Variants in DNAH9 observed in about 807,000 individuals in gnomAD.
DNAH9 encodes the protein DNAH9 variant protein.
DNAH9 carries 345 observed loss-of-function variants against 471.6 expected under a neutral mutation model. The observed-to-expected ratio is 0.73, with a 90% CI of 0.67 to 0.80. DNAH9 has a LOEUF of 0.80. Among genes scored for constraint, DNAH9 ranks in the 30% least tolerant of loss-of-function variants. The pLI is 0.00. For synonymous variants in DNAH9, 2,093 were observed against 2,123.6 expected (o/e 0.99, Z 0.40); for missense variants, 5,407 against 5,609.2 (o/e 0.96, Z 1.15).
At chr17:11,835,507 C>T (rs775924757) in intron 49 of DNAH9, among the ~76,000 whole-genome samples, 14 of 152,118 alleles carry the variant, frequency 9.2e-5, no homozygotes, top group East Asian at 1.9e-4. Flanking sequence ...GGGGAGGGCA[C>T]GAGGCTTAGC....
Position 11,704,451 on chromosome 17 carries a change from C to A in DNAH9, c.5391+9C>A. ...AGATGATTGCTCAGAAGGTGGGTCC[C>A]AAACATCCAGGGATGCCCACTTTTG... On this transcript the variant is annotated intron_variant, in intron 25 of 68. Transcript: ENST00000262442. 6.8e-6 allele frequency: 11 copies of A among 1,611,828 alleles called. No individual in the cohort carries two copies. The highest frequency in any genetic ancestry group is 9.3e-6 in the Non-Finnish European group (11 of 1,179,630).
At chr17:11,923,712 C>T in intron 61 of DNAH9, 102 bp from the exon 62 acceptor site, 5 of 1,449,798 alleles carry the variant, frequency 3.4e-6, no homozygotes, top group Non-Finnish European at 4.7e-6. Context: ...TTGGGCATGC[C>T]CGTGTTTGAG....
At chr17:11,847,391 T>C (rs545605373) in intron 49 of DNAH9, among the ~76,000 whole-genome samples, 1 of 152,312 alleles carries the variant, frequency 6.6e-6, no homozygotes, top group East Asian at 1.9e-4. Context: ...TTGTATATGT[T>C]GTAAGGAAGG....
intron 2 of DNAH9, among the ~76,000 whole-genome samples, chr17:11,609,567 A>C (rs2072585696): frequency 6.6e-6 from 1 of 152,228 alleles, no homozygotes; most frequent in Non-Finnish European, 1.5e-5. Flanking sequence ...ATATAAATTT[A>C]ATTTAATGAA....
At chr17:11,807,423 A>G (rs1021927825) in intron 43 of DNAH9, among the ~76,000 whole-genome samples, 1 of 152,168 alleles carries the variant, frequency 6.6e-6, no homozygotes, top group African/African-American at 2.4e-5. Context: ...TGCGGAGAAG[A>G]GCAAAAGCAA....
intron 44 of DNAH9, among the ~76,000 whole-genome samples, chr17:11,809,734 C>T (rs186289741): frequency 3.2e-4 from 49 of 152,010 alleles, no homozygotes; most frequent in Admixed American, 1.2e-3. Context: ...ATAAGTAAGA[C>T]GTAAGACATA....
intron 28 of DNAH9, among the ~76,000 whole-genome samples, chr17:11,737,365 A>G (rs534296433): frequency 8.3e-6 from 1 of 120,522 alleles, no homozygotes; most frequent in East Asian, 2.5e-4. Context: ...ACAACCCTAC[A>G]GCCCCATTTC....
chr17:11,754,253 G>A (rs1243819514), intron 33 of DNAH9, among the ~76,000 whole-genome samples: 2 of 152,040 alleles, frequency 1.3e-5, no homozygotes, highest in African/African-American at 4.8e-5. Flanking sequence ...TTGGTTCCAT[G>A]TCTTTGCCAT....
rs374594187 is a variant in DNAH9, at chr17:11,861,259, G to A, written c.9933+6831G>A. Reference sequence around the variant, plus strand: ...TTCTCATTGTTCAATTCCCACCTATGAGTGAGAATATGCGGTGTTTGGTTT... The same window carrying A: ...TTCTCATTGTTCAATTCCCACCTATAAGTGAGAATATGCGGTGTTTGGTTT... On this transcript the variant is annotated intron_variant, in intron 50 of 68. Coordinates refer to ENST00000262442, the MANE Select transcript of DNAH9 (RefSeq NM_001372.4). Among the ~76,000 whole-genome samples the A allele has an allele frequency of 2.8e-4, 43 of 151,864 alleles. No individual in the cohort carries two copies. The South Asian group carries it at 3.3e-3, about 12-fold the overall frequency.
At chr17:11,617,018 G>A (rs1478854249) in intron 4 of DNAH9, among the ~76,000 whole-genome samples, 2 of 152,202 alleles carry the variant, frequency 1.3e-5, no homozygotes, top group Non-Finnish European at 2.9e-5. Flanking sequence ...GAGGCTCAGA[G>A]AGGTTACACG....
At chr17:11,661,508 T>G (rs1389904064) in intron 14 of DNAH9, among the ~76,000 whole-genome samples, 2 of 152,162 alleles carry the variant, frequency 1.3e-5, no homozygotes, top group Non-Finnish European at 2.9e-5. Flanking sequence ...TCCTCTGCTC[T>G]TCCATTGTCA....
At position 11,875,038 on chromosome 17, in the gene DNAH9, A is replaced by G; in HGVS notation, c.10332A>G (p.Pro3444=). The change falls in exon 53 of 69, where the codon CCA becomes CCG. Residue 3444 remains proline, a synonymous_variant. Transcript: ENST00000262442. The part of the protein sequence containing the change: ...DVAAWQNEGL[P]ADRMSVENAT... The stretch of plus-strand genomic sequence containing the variant: ...CTGCCTGGCAGAACGAGGGCCTCCC[A>G]GCCGACCGCATGTCCGTGGAGAATG... 6.2e-7 allele frequency: 1 copy of G among 1,614,168 alleles called. No individual in the cohort carries two copies. The highest frequency in any genetic ancestry group is 8.5e-7 in the Non-Finnish European group (1 of 1,180,014).
At chr17:11,900,945 C>T (rs1290608275) in intron 59 of DNAH9, among the ~76,000 whole-genome samples, 1 of 152,204 alleles carries the variant, frequency 6.6e-6, no homozygotes, top group African/African-American at 2.4e-5. Flanking sequence ...ACCTCCTACA[C>T]ACACACCCAA....
chr17:11,931,981 G>A (rs879224924), intron 63 of DNAH9, 33 bp from the exon 64 acceptor site: 9 of 1,610,402 alleles, frequency 5.6e-6, no homozygotes, highest in African/African-American at 2.7e-5. Context: ...GAGAAGTTGT[G>A]TGCGAACCTT....
chr17:11,622,179 G>C (rs999847417), intron 6 of DNAH9, among the ~76,000 whole-genome samples: 2 of 152,032 alleles, frequency 1.3e-5, no homozygotes, highest in African/African-American at 4.8e-5. Context: ...GGGAACACAA[G>C]AGAAAATCAG....
chr17:11,872,389 A>G (rs1972303103), intron 52 of DNAH9, among the ~76,000 whole-genome samples: 1 of 127,568 alleles, frequency 7.8e-6, no homozygotes, highest in East Asian at 2.7e-4. Context: ...CTGCAATGTA[A>G]CTAAATGGAG....
At chr17:11,837,303 T>A (rs1970881254) in intron 49 of DNAH9, among the ~76,000 whole-genome samples, 1 of 152,194 alleles carries the variant, frequency 6.6e-6, no homozygotes, top group Admixed American at 6.5e-5. Flanking sequence ...GAGTACCTAC[T>A]ATGTGCCAGG....
intron 61 of DNAH9, among the ~76,000 whole-genome samples, chr17:11,914,350 C>T (rs938723017): frequency 4.6e-5 from 7 of 152,172 alleles, no homozygotes; most frequent in Non-Finnish European, 7.4e-5. Context: ...TGAAGATACT[C>T]TCCCTGGAGC....
intron 1 of DNAH9, among the ~76,000 whole-genome samples, chr17:11,603,696 A>G (rs1288498983): frequency 6.6e-6 from 1 of 152,080 alleles, no homozygotes; most frequent in Non-Finnish European, 1.5e-5. Context: ...GACCCCCTTC[A>G]TAGCAGAATT....
Sources: allele counts gnomAD v4.1 joint callset (sites outside exome capture counted in the v4.1 genomes callset), GRCh38; gene constraint gnomAD v4.1.1; transcripts MANE v1.5; gene names NCBI Gene and HGNC (gene_info 2026-07-23, HGNC 2026-07-21).